Variants in NEGR1 observed in about 807,000 individuals in gnomAD.
NEGR1 encodes the protein neuronal growth regulator 1.
A neutral mutation model predicts 40.9 loss-of-function variants in NEGR1; 10 were observed. That is an observed-to-expected ratio of 0.24 (90% CI 0.15 to 0.42). The LOEUF (loss-of-function observed/expected upper bound fraction) is 0.42, where lower values mean the gene tolerates loss of function less well. Among genes scored for constraint, NEGR1 ranks in the 10% least tolerant of loss-of-function variants. The pLI is 1.00. For synonymous variants in NEGR1, 185 were observed against 166.8 expected (o/e 1.11, Z -0.84); for missense variants, 352 against 438.9 (o/e 0.80, Z 1.77).
At chr1:72,090,304 T>G (rs1382248499) in intron 1 of NEGR1, among the ~76,000 whole-genome samples, 2 of 144,874 alleles carry the variant, frequency 1.4e-5, no homozygotes, top group Non-Finnish European at 3.0e-5. Flanking sequence ...CCAGGGAGGA[T>G]CAAAACAGAA....
intron 1 of NEGR1, among the ~76,000 whole-genome samples, chr1:72,143,339 C>A (rs1303406884): frequency 6.6e-6 from 1 of 151,884 alleles, no homozygotes; most frequent in East Asian, 1.9e-4. Flanking sequence ...TGGCCTGAGC[C>A]AGTCATGCCC....
At chr1:72,154,060 A>C (rs1651264569) in intron 1 of NEGR1, among the ~76,000 whole-genome samples, 1 of 151,908 alleles carries the variant, frequency 6.6e-6, no homozygotes, top group Non-Finnish European at 1.5e-5. Context: ...AGCAAATGTG[A>C]GTATCTCATT....
intron 4 of NEGR1, among the ~76,000 whole-genome samples, chr1:71,672,053 C>G (rs1652455627): frequency 6.6e-6 from 1 of 151,892 alleles, no homozygotes; most frequent in African/African-American, 2.4e-5. Flanking sequence ...CTCTCTATTT[C>G]AACCATAGTA....
chr1:72,159,596 G>T (rs1651481573), intron 1 of NEGR1, among the ~76,000 whole-genome samples: 1 of 152,020 alleles, frequency 6.6e-6, no homozygotes, highest in South Asian at 2.1e-4. Flanking sequence ...TAAAATATTT[G>T]GTTTCCATGA....
In NEGR1 at chr1:71,915,199, T is replaced by C. The variant is rs372790672; in HGVS notation, c.409+19880A>G. Reference sequence around the variant, plus strand: ...ATTAATTCTGATTTTAAAAAGTGACTAAGTGGCATTTGAACATATTTAGAT... The same window carrying C: ...ATTAATTCTGATTTTAAAAAGTGACCAAGTGGCATTTGAACATATTTAGAT... On this transcript the variant is annotated intron_variant, in intron 2 of 6. Coordinates refer to ENST00000357731, the MANE Select transcript of NEGR1 (RefSeq NM_173808.3). Among the ~76,000 whole-genome samples the C allele has an allele frequency of 7.9e-5, 12 of 152,284 alleles. No individual in the cohort carries two copies. The East Asian group carries it at 9.7e-4, about 12-fold the overall frequency.
chr1:72,034,033 T>A (rs1270506762), intron 1 of NEGR1, among the ~76,000 whole-genome samples: 2 of 152,226 alleles, frequency 1.3e-5, no homozygotes, highest in Non-Finnish European at 2.9e-5. Flanking sequence ...CATATCTCAG[T>A]TACTGCAGGT....
intron 1 of NEGR1, among the ~76,000 whole-genome samples, chr1:72,136,507 G>T (rs1250907013): frequency 6.6e-6 from 1 of 150,862 alleles, no homozygotes; most frequent in African/African-American, 2.4e-5. Flanking sequence ...TCCAAAACAG[G>T]AGTGAGAGAA....
intron 1 of NEGR1, among the ~76,000 whole-genome samples, chr1:72,098,272 T>C (rs1373512121): frequency 6.6e-6 from 1 of 152,018 alleles, no homozygotes; most frequent in Non-Finnish European, 1.5e-5. Flanking sequence ...CACTTTAGGC[T>C]GAAGAATGAC....
chr1:71,616,989 A>G (rs1478441827), intron 4 of NEGR1, among the ~76,000 whole-genome samples: 1 of 152,204 alleles, frequency 6.6e-6, no homozygotes, highest in East Asian at 1.9e-4. Flanking sequence ...AGGCCATGAA[A>G]ACTTCAAAAC....
chr1:72,108,295 T>C (rs1016235824), intron 1 of NEGR1, among the ~76,000 whole-genome samples: 1 of 151,620 alleles, frequency 6.6e-6, no homozygotes, highest in African/African-American at 2.4e-5. Context: ...CATTAACTCT[T>C]AGTATTCTCT....
At chr1:71,620,265 G>A (rs1053714994) in intron 4 of NEGR1, among the ~76,000 whole-genome samples, 5 of 151,902 alleles carry the variant, frequency 3.3e-5, no homozygotes, top group South Asian at 2.1e-4. Context: ...AGGAAAAATC[G>A]GTCCTACAGA....
rs1196854645 is a variant in NEGR1 at position 72,172,206 on chromosome 1, T to C, written c.176+110113A>G. On this transcript the variant is annotated intron_variant, in intron 1 of 6. Coordinates refer to ENST00000357731, the MANE Select transcript of NEGR1 (RefSeq NM_173808.3). ...GCTTTTTCAATAAAAGAGCCCGAAA[T>C]AGAATTTCTTCCACCTTAGGCAGGT... 2.0e-5 allele frequency among the ~76,000 whole-genome samples: 3 copies of C among 152,136 alleles called. No individual in the cohort carries two copies. The East Asian group carries it at 5.8e-4, about 29-fold the overall frequency.
chr1:71,614,520 A>C (rs927683087), intron 4 of NEGR1, among the ~76,000 whole-genome samples: 3 of 152,202 alleles, frequency 2.0e-5, no homozygotes, highest in Non-Finnish European at 4.4e-5. Context: ...AGGTACAGGT[A>C]AGATTGTATT....
chr1:71,976,974 T>C (rs1570571571), intron 1 of NEGR1, among the ~76,000 whole-genome samples: 2 of 152,288 alleles, frequency 1.3e-5, no homozygotes, highest in Non-Finnish European at 2.9e-5. Context: ...ACATTCAATA[T>C]GGAAATTTTA....
At chr1:72,192,906 C>A (rs1652866963) in intron 1 of NEGR1, among the ~76,000 whole-genome samples, 1 of 151,638 alleles carries the variant, frequency 6.6e-6, no homozygotes, top group South Asian at 2.1e-4. Flanking sequence ...TATTGATGGC[C>A]TGATCATGTC....
intron 4 of NEGR1, 183 bp downstream of exon 4, chr1:71,697,825 G>A (rs773808529): frequency 3.4e-6 from 2 of 582,422 alleles, no homozygotes; most frequent in Non-Finnish European, 6.0e-6. Flanking sequence ...GTTTACTTGG[G>A]ACAATTGTTG....
chr1:72,193,656 A>AT (rs1383694063), intron 1 of NEGR1, among the ~76,000 whole-genome samples: 1 of 111,762 alleles, frequency 8.9e-6, no homozygotes, highest in Non-Finnish European at 2.0e-5. Context: ...AGAAATATAT[A>AT]TATTTTTCAT....
At position 72,248,626 on chromosome 1, in the gene NEGR1, G is replaced by T. The variant is rs12065564; in HGVS notation, c.176+33693C>A. On this transcript the variant is annotated intron_variant, in intron 1 of 6. Transcript: ENST00000357731. ...TATTATTATTATTATTTTAGACAGA[G>T]TCTCGCTCTGTTGCCAGGCTGCAGT... Among the ~76,000 whole-genome samples, 437 of 119,920 alleles carry T rather than the reference G, an allele frequency of 3.6e-3. 3 individuals carry two copies. Among genetic ancestry groups the T allele is most frequent in the African/African-American group, 0.012 (418 of 33,780 alleles). 78.7% of individuals were successfully genotyped at this position (119,920 alleles called of 152,430 possible).
At chr1:71,685,990 T>C (rs1653023526) in intron 4 of NEGR1, among the ~76,000 whole-genome samples, 1 of 152,050 alleles carries the variant, frequency 6.6e-6, no homozygotes, top group Non-Finnish European at 1.5e-5. Flanking sequence ...TCCAGTTGTG[T>C]TTCTGAGCAA....
Sources: allele counts gnomAD v4.1 joint callset (sites outside exome capture counted in the v4.1 genomes callset), GRCh38; gene constraint gnomAD v4.1.1; transcripts MANE v1.5; gene names NCBI Gene and HGNC (gene_info 2026-07-23, HGNC 2026-07-21).